Variants in KCNB2 observed in about 807,000 individuals in gnomAD.
KCNB2 encodes the protein potassium voltage-gated channel subfamily B member 2.
A neutral mutation model predicts 61.5 loss-of-function variants in KCNB2; 15 were observed. That is an observed-to-expected ratio of 0.24 (90% CI 0.16 to 0.38). KCNB2 has a LOEUF of 0.38. KCNB2 is among the 10% of genes least tolerant of loss of function. The pLI is 1.00. For missense variants in KCNB2, 828 were observed against 1,125.2 expected, an observed-to-expected ratio of 0.74 and a Z score of 3.78; for synonymous variants, 457 against 446.0, an observed-to-expected ratio of 1.02 and a Z score of -0.31.
At chr8:72,691,460 T>C (rs1285568947) in intron 2 of KCNB2, among the ~76,000 whole-genome samples, 2 of 152,264 alleles carry the variant, frequency 1.3e-5, no homozygotes, top group Non-Finnish European at 1.5e-5. Flanking sequence ...CTAAGTCTTA[T>C]AACTATTTTA....
At chr8:72,584,919 C>G (rs1037964864) in intron 2 of KCNB2, among the ~76,000 whole-genome samples, 1 of 152,234 alleles carries the variant, frequency 6.6e-6, no homozygotes, top group South Asian at 2.1e-4. Flanking sequence ...TCTCTTGGCT[C>G]CCTAGTCCAG....
intron 2 of KCNB2, among the ~76,000 whole-genome samples, chr8:72,788,708 A>T (rs1468547078): frequency 6.6e-6 from 1 of 152,160 alleles, no homozygotes; most frequent in Non-Finnish European, 1.5e-5. Flanking sequence ...AGAATTAGAG[A>T]ACCTGAACTC....
chr8:72,572,398 A>G (rs946205800), intron 2 of KCNB2, among the ~76,000 whole-genome samples: 1 of 152,186 alleles, frequency 6.6e-6, no homozygotes, highest in African/African-American at 2.4e-5. Flanking sequence ...CATCTGAACC[A>G]AACAGTGAGA....
intron 2 of KCNB2, among the ~76,000 whole-genome samples, chr8:72,891,785 G>A (rs1003332013): frequency 9.9e-5 from 15 of 152,106 alleles, no homozygotes; most frequent in Non-Finnish European, 1.8e-4. Context: ...GGGATGCTTT[G>A]GCCAAAAGTA....
intron 2 of KCNB2, among the ~76,000 whole-genome samples, chr8:72,900,125 G>A (rs1806063285): frequency 6.6e-6 from 1 of 152,118 alleles, no homozygotes; most frequent in Non-Finnish European, 1.5e-5. Flanking sequence ...AATCAAAACA[G>A]CAGGGTCTGA....
intron 2 of KCNB2, among the ~76,000 whole-genome samples, chr8:72,815,426 G>A (rs1297607718): frequency 6.6e-6 from 1 of 151,948 alleles, no homozygotes; most frequent in Non-Finnish European, 1.5e-5. Flanking sequence ...GCTTTCTCCT[G>A]TAGTAGCACT....
chr8:72,628,399 G>GT (rs1491032676), intron 2 of KCNB2, among the ~76,000 whole-genome samples: 869 of 23,424 alleles, frequency 0.037, 12 homozygotes, highest in African/African-American at 0.068. Context: ...TCCTGTTAGG[G>GT]GGTGTGTGTG....
chr8:72,675,393 T>A (rs2245838), intron 2 of KCNB2, among the ~76,000 whole-genome samples: 41,138 of 151,892 alleles, frequency 0.27, 9,980 homozygotes, highest in African/African-American at 0.65. Context: ...ATAATAGATG[T>A]TTTCCATTTC....
intron 2 of KCNB2, among the ~76,000 whole-genome samples, chr8:72,898,271 A>G (rs1018102516): frequency 1.3e-5 from 2 of 151,794 alleles, no homozygotes; most frequent in Non-Finnish European, 2.9e-5. Context: ...GAAGGGGAAC[A>G]TCACACACCG....
At chr8:72,716,428 G>A (rs1245421828) in intron 2 of KCNB2, among the ~76,000 whole-genome samples, 4 of 152,100 alleles carry the variant, frequency 2.6e-5, no homozygotes, top group African/African-American at 9.7e-5. Flanking sequence ...ATATTGGCAA[G>A]CCGAATCCAG....
chr8:72,610,059 C>T (rs1176361436), intron 2 of KCNB2, among the ~76,000 whole-genome samples: 1 of 151,654 alleles, frequency 6.6e-6, no homozygotes, highest in African/African-American at 2.4e-5. Context: ...AATAATATTT[C>T]AAAAAAATTT....
At chr8:72,905,469 G>A (rs914166359) in intron 2 of KCNB2, among the ~76,000 whole-genome samples, 1 of 149,434 alleles carries the variant, frequency 6.7e-6, no homozygotes, top group African/African-American at 2.6e-5. Context: ...ATTATAAGAG[G>A]GTTAGAAAGT....
chr8:72,841,390 T>A (rs1452313195), intron 2 of KCNB2, among the ~76,000 whole-genome samples: 1 of 123,768 alleles, frequency 8.1e-6, no homozygotes, highest in Admixed American at 8.4e-5. Context: ...TTTTTTTTTT[T>A]GCTTAGGATT....
chr8:72,583,450 T>A (rs1226288303), intron 2 of KCNB2, among the ~76,000 whole-genome samples: 1 of 150,308 alleles, frequency 6.7e-6, no homozygotes, highest in African/African-American at 2.5e-5. Flanking sequence ...AATTAATTCT[T>A]TCAAAATTCT....
intron 2 of KCNB2, among the ~76,000 whole-genome samples, chr8:72,583,833 A>G (rs999099845): frequency 6.6e-6 from 1 of 152,008 alleles, no homozygotes; most frequent in Non-Finnish European, 1.5e-5. Context: ...CATGTCTTTC[A>G]TCTTAAAACT....
intron 2 of KCNB2, among the ~76,000 whole-genome samples, chr8:72,767,384 G>A (rs538458464): frequency 6.6e-6 from 1 of 152,224 alleles, no homozygotes; most frequent in East Asian, 1.9e-4. Flanking sequence ...TCCCCAAACA[G>A]AAATCCCATG....
At chr8:72,597,524 T>G (rs1239185747) in intron 2 of KCNB2, among the ~76,000 whole-genome samples, 1 of 152,252 alleles carries the variant, frequency 6.6e-6, no homozygotes, top group African/African-American at 2.4e-5. Flanking sequence ...GGCTACTCAC[T>G]GGAAATACCA....
At chr8:72,929,144 G>A (rs879531120) in intron 2 of KCNB2, among the ~76,000 whole-genome samples, 4 of 152,130 alleles carry the variant, frequency 2.6e-5, no homozygotes, top group Admixed American at 1.3e-4. Flanking sequence ...GCTCACAGAG[G>A]GACCGGGCTT....
intron 2 of KCNB2, among the ~76,000 whole-genome samples, chr8:72,785,010 A>G (rs1232428335): frequency 6.6e-6 from 1 of 152,210 alleles, no homozygotes; most frequent in Admixed American, 6.5e-5. Flanking sequence ...ATTACTAATA[A>G]TTATTTAGAC....
Sources: gnomAD v4.1 joint callset for allele counts (sites outside exome capture counted in the v4.1 genomes callset) on GRCh38, gnomAD v4.1.1 for gene constraint, MANE v1.5 for transcripts, NCBI Gene and HGNC (gene_info 2026-07-23, HGNC 2026-07-21) for gene names.